The following PINX1 variants were observed in gnomAD, a reference collection of about 807,000 sequenced individuals.
The protein encoded by PINX1 is PIN2/TERF1-interacting telomerase inhibitor 1.
In PINX1, 34 loss-of-function variants were observed where a neutral mutation model predicts 25.4. That is an observed-to-expected ratio of 1.34 (90% CI 1.02 to 1.78). PINX1 has a LOEUF of 1.78. Among genes scored for constraint, PINX1 ranks in the 40% most tolerant of loss-of-function variants. The pLI is 0.00. For synonymous variants in PINX1, 197 were observed against 147.7 expected (o/e 1.33, Z -2.42); for missense variants, 592 against 404.9 (o/e 1.46, Z -3.97).
intron 6 of PINX1, among the ~76,000 whole-genome samples, chr8:10,786,803 C>G (rs1287417487): frequency 6.6e-6 from 1 of 152,238 alleles, no homozygotes; most frequent in African/African-American, 2.4e-5. Context: ...TGCAGGCCAA[C>G]TCCCAGGAAC....
At position 10,835,288 on chromosome 8, in the gene PINX1, G is replaced by A. The variant is rs1012721741; in HGVS notation, c.20-513C>T. ...TATTCAGTTTTCACAGTACCCCAACGAGTGTGGATAGTACCATTGTCACTG... is the reference window on the plus strand; with the variant it reads ...TATTCAGTTTTCACAGTACCCCAACAAGTGTGGATAGTACCATTGTCACTG... On this transcript the variant is annotated intron_variant, in intron 1 of 6. Transcript: ENST00000314787. Among the ~76,000 whole-genome samples the A allele has an allele frequency of 3.3e-5, 5 of 152,320 alleles. No homozygotes were observed. In the East Asian group the frequency reaches 9.6e-4, roughly 29 times the overall value.
At chr8:10,786,928 G>C (rs1801768198) in intron 6 of PINX1, among the ~76,000 whole-genome samples, 1 of 152,086 alleles carries the variant, frequency 6.6e-6, no homozygotes. Context: ...GACTGTCTTT[G>C]AACATTTTTA....
At position 10,825,993 on chromosome 8, in the gene PINX1, A is replaced by T. The variant is rs115081674; in HGVS notation, c.394+159T>A. Reference sequence around the variant, plus strand: ...GAATTCTAACAAGATCCTCAGGCACACCACAGTCAATGCGAAGACTCCAGC... The same window carrying T: ...GAATTCTAACAAGATCCTCAGGCACTCCACAGTCAATGCGAAGACTCCAGC... On this transcript the variant is annotated intron_variant, in intron 5 of 6. Transcript: ENST00000314787. Among the ~76,000 whole-genome samples the T allele has an allele frequency of 5.8e-3, 884 of 152,392 alleles. 9 individuals carry two copies. The highest frequency in any genetic ancestry group is 0.02 in the African/African-American group (837 of 41,594).
chr8:10,816,745 A>C (rs1797709658), intron 6 of PINX1, among the ~76,000 whole-genome samples: 1 of 152,230 alleles, frequency 6.6e-6, no homozygotes, highest in Non-Finnish European at 1.5e-5. Flanking sequence ...CCTTCAATGT[A>C]GATTTTTTGT....
At chr8:10,814,194 A>G (rs1005092983) in intron 6 of PINX1, among the ~76,000 whole-genome samples, 27 of 152,220 alleles carry the variant, frequency 1.8e-4, no homozygotes, top group African/African-American at 6.3e-4. Flanking sequence ...ATCAATATAC[A>G]ACAAAGATGG....
chr8:10,838,127 G>A (rs1221550270), intron 1 of PINX1, among the ~76,000 whole-genome samples: 4 of 152,154 alleles, frequency 2.6e-5, no homozygotes, highest in South Asian at 2.1e-4. Flanking sequence ...ATAGCAGGTT[G>A]GAGTTCTTAG....
intron 6 of PINX1, among the ~76,000 whole-genome samples, chr8:10,818,050 T>C (rs1260413169): frequency 6.6e-6 from 1 of 152,172 alleles, no homozygotes; most frequent in East Asian, 1.9e-4. Context: ...TTAAAGCTCA[T>C]TAGGCAATGC....
At chr8:10,826,270 T>A (rs76777436) in intron 4 of PINX1, 26 bp from the exon 5 acceptor site, 2 of 1,242,356 alleles carry the variant, frequency 1.6e-6, no homozygotes, top group East Asian at 2.4e-5. Context: ...AAAAAATACA[T>A]TAAAGTCTTT....
chr8:10,787,706 C>A, intron 6 of PINX1: 1 of 408,034 alleles, frequency 2.5e-6, no homozygotes, highest in Non-Finnish European at 4.8e-6. Context: ...TAAAGTGAGT[C>A]AGTGTACGGT....
chr8:10,803,494 CA>C lies in PINX1; in HGVS notation c.471+16698del, dbSNP rs533339199. ...CACACCCTATTCTTTCCCACAATCC[CA>C]TATTTTTTTCATTCCACTGACTTAT... On this transcript the variant is annotated intron_variant, in intron 6 of 6. Transcript: ENST00000314787. 2.0e-3 allele frequency among the ~76,000 whole-genome samples: 307 copies of C among 152,290 alleles called. 1 individual carries two copies. Among genetic ancestry groups the C allele is most frequent in the African/African-American group, 7.2e-3 (300 of 41,564 alleles).
chr8:10,839,566 G>C, intron 1 of PINX1, 172 bp downstream of exon 1: 1 of 649,158 alleles, frequency 1.5e-6, no homozygotes, highest in Non-Finnish European at 2.6e-6. Context: ...CCAACTTTCG[G>C]GGAGCTCTGC....
rs181918590 is a variant in PINX1 at position 10,817,725 on chromosome 8, C to A, written c.471+2468G>T. ...TGGGGATGTACAGGCTCTCAGCCCC[C>A]GCCCAGGCTTCCTGAGTTGGAATCT... On this transcript the variant is annotated intron_variant, in intron 6 of 6. Transcript: ENST00000314787. Among the ~76,000 whole-genome samples the A allele has an allele frequency of 2.6e-5, 4 of 152,152 alleles. No individual in the cohort carries two copies. The South Asian group carries it at 8.3e-4, about 31-fold the overall frequency.
At chr8:10,788,550 G>A (rs911247976) in intron 6 of PINX1, among the ~76,000 whole-genome samples, 1 of 151,774 alleles carries the variant, frequency 6.6e-6, no homozygotes, top group Non-Finnish European at 1.5e-5. Context: ...GGAAGACAGA[G>A]CAAGACACTG....
At chr8:10,800,668 C>T (rs930230477) in intron 6 of PINX1, among the ~76,000 whole-genome samples, 1 of 152,082 alleles carries the variant, frequency 6.6e-6, no homozygotes, top group Non-Finnish European at 1.5e-5. Context: ...TGGGGTTTCA[C>T]CACATTGGCC....
At chr8:10,793,523 A>C (rs976332148) in intron 6 of PINX1, among the ~76,000 whole-genome samples, 8 of 152,190 alleles carry the variant, frequency 5.3e-5, no homozygotes, top group African/African-American at 1.7e-4. Context: ...GCCACATTCA[A>C]AGCCGCCCTG....
intron 6 of PINX1, among the ~76,000 whole-genome samples, chr8:10,779,360 AT>A (rs146847194): frequency 3.9e-5 from 6 of 152,384 alleles, no homozygotes; most frequent in Non-Finnish European, 8.8e-5. Flanking sequence ...ACAAAATCAA[AT>A]TCAAAAAAGC....
intron 6 of PINX1, among the ~76,000 whole-genome samples, chr8:10,803,967 A>C (rs1802353331): frequency 6.6e-6 from 1 of 152,140 alleles, no homozygotes; most frequent in Non-Finnish European, 1.5e-5. Context: ...CATGAGTATT[A>C]AAGAAGTTCA....
At chr8:10,767,344 G>T (rs13270447) in intron 6 of PINX1, among the ~76,000 whole-genome samples, 11,537 of 152,046 alleles carry the variant, frequency 0.076, 579 homozygotes, top group African/African-American at 0.15. Context: ...ATATTAATAT[G>T]TATCAATGGA....
intron 6 of PINX1, among the ~76,000 whole-genome samples, chr8:10,781,982 T>A (rs188072100): frequency 6.7e-6 from 1 of 149,830 alleles, no homozygotes; most frequent in East Asian, 1.9e-4. Flanking sequence ...TGTGTATGTA[T>A]GTATACAGTG....
Sources: allele counts gnomAD v4.1 joint callset (sites outside exome capture counted in the v4.1 genomes callset), GRCh38; gene constraint gnomAD v4.1.1; transcripts MANE v1.5; gene names NCBI Gene and HGNC (gene_info 2026-07-23, HGNC 2026-07-21).